FCF1: variants seen among roughly 807,000 people sequenced by gnomAD.
FCF1 encodes FCF1 rRNA-processing protein.
FCF1 carries 17 observed loss-of-function variants against 32.5 expected under a neutral mutation model. The observed-to-expected ratio is 0.52, with a 90% confidence interval of 0.36 to 0.78. The LOEUF (loss-of-function observed/expected upper bound fraction) is 0.78, where lower values mean the gene tolerates loss of function less well. Among genes scored for constraint, FCF1 ranks in the 30% least tolerant of loss-of-function variants. FCF1 has a pLI of 0.00. For synonymous variants in FCF1, 84 were observed against 78.4 expected, an observed-to-expected ratio of 1.07 and a Z score of -0.38; for missense variants, 201 against 241.1, an observed-to-expected ratio of 0.83 and a Z score of 1.10.
intron 3 of FCF1, chr14:74,715,630 C>G (rs1315841474): frequency 5.0e-6 from 2 of 398,800 alleles, no homozygotes; most frequent in Non-Finnish European, 4.7e-6. Flanking sequence ...TCATTCTAAT[C>G]ACGATAACTG....
At position 74,725,868 on chromosome 14, in the gene FCF1, G is replaced by A. The variant is rs191554680; in HGVS notation, c.365+2524G>A. On this transcript the variant is annotated intron_variant, in intron 5 of 7. Transcript: ENST00000341162. ...GGAGAATAGCATGAACCCGGGAGGC[G>A]GAGCTTGCAGTGAGCCGAGATCGCG... 2.4e-3 allele frequency among the ~76,000 whole-genome samples: 363 copies of A among 151,614 alleles called. 1 individual carries two copies. Among genetic ancestry groups the A allele is most frequent in the African/African-American group, 8.3e-3 (343 of 41,308 alleles).
intron 5 of FCF1, among the ~76,000 whole-genome samples, chr14:74,727,620 C>G (rs1232048807): frequency 6.6e-6 from 1 of 151,676 alleles, no homozygotes; most frequent in African/African-American, 2.4e-5. Context: ...AATTAGATCC[C>G]ATTTGTCAAT....
chr14:74,732,853 A>T, intron 6 of FCF1, 35 bp downstream of exon 6: 3 of 498,444 alleles, frequency 6.0e-6, no homozygotes, highest in Non-Finnish European at 9.0e-6. Flanking sequence ...CTTTGTGCTT[A>T]AAAAAAAAAA....
chr14:74,736,985 G>A lies in FCF1; in HGVS notation c.*2055G>A, dbSNP rs1453649416. The A allele has an allele frequency of 6.6e-6, 1 of 152,122 alleles. No individual in the cohort carries two copies. The highest frequency in any genetic ancestry group is 1.5e-5 in the Non-Finnish European group (1 of 68,060). The allele number at this position is 152,122 out of a possible 1,614,324, so 9.4% of individuals were successfully genotyped here. ...GGATGGAGAGGGAGGAAAGGCCAGT[G>A]GTCATGTGGTTTGAGCTAATCTTAA... On this transcript the variant is annotated 3_prime_UTR_variant, in exon 8 of 8. Transcript: ENST00000341162.
At chr14:74,715,737 C>T in intron 3 of FCF1, 1 of 1,052,324 alleles carries the variant, frequency 9.5e-7, no homozygotes, top group Non-Finnish European at 1.4e-6. Flanking sequence ...TTGATAATTG[C>T]TTTTTTAAAG....
At chr14:74,722,214 ATTTTT>A (rs1233100377) in intron 4 of FCF1, among the ~76,000 whole-genome samples, 1 of 151,422 alleles carries the variant, frequency 6.6e-6, no homozygotes, top group East Asian at 1.9e-4. Context: ...ATGCCCAGCT[ATTTTT>A]TTTATTTTTA....
At chr14:74,719,295 T>G (rs1594783310) in intron 4 of FCF1, among the ~76,000 whole-genome samples, 1 of 141,704 alleles carries the variant, frequency 7.1e-6, no homozygotes, top group Non-Finnish European at 1.5e-5. Flanking sequence ...ACCCTGTCTT[T>G]AAAAAAAAAA....
chr14:74,732,171 C>T (rs1336402745), intron 5 of FCF1, among the ~76,000 whole-genome samples: 1 of 148,490 alleles, frequency 6.7e-6, no homozygotes, highest in East Asian at 2.0e-4. Context: ...TATATATATG[C>T]ATATGCCCTG....
chr14:74,715,609 G>A (rs530001337), intron 3 of FCF1: 43 of 367,310 alleles, frequency 1.2e-4, no homozygotes, highest in Middle Eastern at 1.9e-3. Flanking sequence ...AATGACAAAC[G>A]TGTTGTTGTA....
intron 4 of FCF1, among the ~76,000 whole-genome samples, chr14:74,722,348 A>G (rs548578193): frequency 7.2e-5 from 11 of 152,046 alleles, no homozygotes; most frequent in African/African-American, 1.9e-4. Context: ...ACGCCCGGCC[A>G]ATATTGGATA....
chr14:74,713,312 C>T, intron 1 of FCF1, 112 bp downstream of exon 1: 1 of 1,606,234 alleles, frequency 6.2e-7, no homozygotes, highest in Non-Finnish European at 8.5e-7. Context: ...TATTTTCATT[C>T]TGGTCTTAGC....
intron 5 of FCF1, among the ~76,000 whole-genome samples, chr14:74,726,035 A>G (rs1217027522): frequency 6.6e-6 from 1 of 151,816 alleles, no homozygotes; most frequent in East Asian, 1.9e-4. Flanking sequence ...CTCCAGCCCC[A>G]AAAACAAAGT....
chr14:74,725,589 G>A (rs189133901), intron 5 of FCF1, among the ~76,000 whole-genome samples: 2 of 150,598 alleles, frequency 1.3e-5, no homozygotes, highest in East Asian at 3.9e-4. Context: ...AGGAGTTTGA[G>A]ACCAGCCTGG....
chr14:74,715,029 A>G, intron 3 of FCF1, 86 bp downstream of exon 3: 1 of 1,343,966 alleles, frequency 7.4e-7, no homozygotes, highest in Non-Finnish European at 1.0e-6. Context: ...TTGCTAACTT[A>G]TTTGTTAGTA....
At chr14:74,731,150 CAATA>C (rs2090631801) in intron 5 of FCF1, among the ~76,000 whole-genome samples, 1 of 151,470 alleles carries the variant, frequency 6.6e-6, no homozygotes, top group Non-Finnish European at 1.5e-5. Flanking sequence ...ATTTTTAAAA[CAATA>C]AAAATAAAGA....
chr14:74,732,158 A>ATG (rs1033621450), intron 5 of FCF1, among the ~76,000 whole-genome samples: 13 of 151,688 alleles, frequency 8.6e-5, no homozygotes, highest in Non-Finnish European at 1.5e-5. Flanking sequence ...ATCATATTAT[A>ATG]TATATATATA....
At chr14:74,723,770 G>T (rs2090538077) in intron 5 of FCF1, among the ~76,000 whole-genome samples, 1 of 150,072 alleles carries the variant, frequency 6.7e-6, no homozygotes, top group South Asian at 2.1e-4. Context: ...GGAGGTTGCA[G>T]TGAGCCTACA....
In FCF1 at chr14:74,735,166, G is replaced by T; in HGVS notation, c.*236G>T. On this transcript the variant is annotated 3_prime_UTR_variant, in exon 8 of 8. Transcript: ENST00000341162. ...GGGCCGCGGGGGTTGGGGGGAATCT[G>T]TGCAGGGGGAAGCATATTACAGAAG... 1 of 442,320 alleles carries T rather than the reference G, an allele frequency of 2.3e-6. No homozygotes were observed. Among genetic ancestry groups the T allele is most frequent in the Non-Finnish European group, 4.0e-6 (1 of 247,538 alleles). 27.4% of individuals were successfully genotyped at this position (442,320 alleles called of 1,614,324 possible). A position where few individuals can be genotyped will look rare whatever the true frequency, so the allele number is the denominator to read the frequency against.
intron 5 of FCF1, 127 bp from the exon 6 acceptor site, chr14:74,732,604 A>T: frequency 1.5e-6 from 1 of 654,648 alleles, no homozygotes; most frequent in East Asian, 2.6e-5. Context: ...CTTTCCAGTT[A>T]GAGGATAAAG....
Sources: allele counts gnomAD v4.1 joint callset (sites outside exome capture counted in the v4.1 genomes callset), GRCh38; gene constraint gnomAD v4.1.1; transcripts MANE v1.5; gene names NCBI Gene and HGNC (gene_info 2026-07-23, HGNC 2026-07-21).